The following NPAS3 variants were observed in gnomAD, a reference collection of about 807,000 sequenced individuals.
The protein encoded by NPAS3 is neuronal PAS domain-containing protein 3.
Under a neutral mutation model 73.1 loss-of-function variants are expected in NPAS3, and 14 were observed. The ratio of observed to expected loss-of-function variants is 0.19; its 90% CI spans 0.13 to 0.30. NPAS3 has a LOEUF of 0.30. Among genes scored for constraint, NPAS3 ranks in the 10% least tolerant of loss-of-function variants. The probability of loss-of-function intolerance (pLI) is 1.00; values close to 1 mark genes in which losing one functional copy is unlikely to be tolerated. For synonymous variants in NPAS3, 620 were observed against 541.5 expected (o/e 1.14, Z -2.01); for missense variants, 1,096 against 1,250.0 (o/e 0.88, Z 1.86).
At chr14:32,989,440 C>G (rs558861844) in intron 1 of NPAS3, among the ~76,000 whole-genome samples, 30 of 152,166 alleles carry the variant, frequency 2.0e-4, no homozygotes, top group Non-Finnish European at 4.1e-4. Flanking sequence ...GTCAGGAGAT[C>G]GAGACCATCC....
At chr14:32,994,006 C>G (rs1159181448) in intron 1 of NPAS3, among the ~76,000 whole-genome samples, 1 of 152,030 alleles carries the variant, frequency 6.6e-6, no homozygotes, top group Non-Finnish European at 1.5e-5. Context: ...ATTTTTAAGT[C>G]AAATTAATTA....
chr14:33,020,041 T>C (rs1384892370), intron 1 of NPAS3, among the ~76,000 whole-genome samples: 3 of 152,210 alleles, frequency 2.0e-5, no homozygotes, highest in Admixed American at 6.5e-5. Context: ...CCACCACAAA[T>C]ATTTATATAC....
At chr14:33,268,700 C>G (rs936184514) in intron 3 of NPAS3, among the ~76,000 whole-genome samples, 1 of 152,132 alleles carries the variant, frequency 6.6e-6, no homozygotes, top group Non-Finnish European at 1.5e-5. Flanking sequence ...TACCTAAGTT[C>G]TTAAGGAGCT....
At chr14:33,342,597 G>A (rs2044538141) in intron 3 of NPAS3, among the ~76,000 whole-genome samples, 1 of 152,130 alleles carries the variant, frequency 6.6e-6, no homozygotes, top group South Asian at 2.1e-4. Flanking sequence ...ATTTTAACTT[G>A]ATAAGCCTGT....
chr14:33,660,703 T>C (rs565696518), intron 5 of NPAS3, among the ~76,000 whole-genome samples: 8 of 152,186 alleles, frequency 5.3e-5, no homozygotes, highest in Non-Finnish European at 1.0e-4. Context: ...TTAATAGTAA[T>C]TAACGTTTAT....
At chr14:33,587,431 T>A (rs1400995245) in intron 5 of NPAS3, among the ~76,000 whole-genome samples, 1 of 152,224 alleles carries the variant, frequency 6.6e-6, no homozygotes, top group African/African-American at 2.4e-5. Flanking sequence ...TCACATGTAA[T>A]AACTGGGTGT....
Position 33,069,040 on chromosome 14 carries a change from G to C in NPAS3, c.140+13046G>C, listed in dbSNP as rs566225206. 3.9e-5 allele frequency among the ~76,000 whole-genome samples: 6 copies of C among 152,288 alleles called. No individual in the cohort carries two copies. In the East Asian group the frequency reaches 9.7e-4, roughly 25 times the overall value. Reference sequence around the variant, plus strand: ...GAGAAATGAGACCTAACTGATTTTAGTATCAGTCTAGTTACTGGCTGAGCA... The same window carrying C: ...GAGAAATGAGACCTAACTGATTTTACTATCAGTCTAGTTACTGGCTGAGCA... On this transcript the variant is annotated intron_variant, in intron 2 of 11. Transcript: ENST00000356141.
At chr14:33,686,969 CAAAA>C (rs529902572) in intron 6 of NPAS3, among the ~76,000 whole-genome samples, 5 of 151,832 alleles carry the variant, frequency 3.3e-5, no homozygotes, top group Non-Finnish European at 7.4e-5. Context: ...AACAAACAAA[CAAAA>C]AAAGTCATTT....
At chr14:33,152,039 C>A (rs2044465655) in intron 2 of NPAS3, among the ~76,000 whole-genome samples, 1 of 152,026 alleles carries the variant, frequency 6.6e-6, no homozygotes, top group African/African-American at 2.4e-5. Flanking sequence ...TTTTGCCCCT[C>A]CTGAGGACAT....
intron 3 of NPAS3, among the ~76,000 whole-genome samples, chr14:33,248,887 T>A (rs2048480721): frequency 6.6e-6 from 1 of 152,218 alleles, no homozygotes; most frequent in Non-Finnish European, 1.5e-5. Flanking sequence ...AGATGACTTT[T>A]GGAATTCTGC....
At chr14:33,521,141 C>A (rs2053537000) in intron 4 of NPAS3, among the ~76,000 whole-genome samples, 1 of 152,046 alleles carries the variant, frequency 6.6e-6, no homozygotes, top group Non-Finnish European at 1.5e-5. Flanking sequence ...TTAAGTCAGA[C>A]TACAGTTTTC....
chr14:33,525,309 G>A (rs141361380), intron 4 of NPAS3, among the ~76,000 whole-genome samples: 65 of 152,204 alleles, frequency 4.3e-4, no homozygotes, highest in Non-Finnish European at 7.4e-4. Context: ...CAGAAGTTAG[G>A]CAAGTAAGCA....
intron 2 of NPAS3, among the ~76,000 whole-genome samples, chr14:33,134,566 T>G (rs2043764481): frequency 6.6e-6 from 1 of 152,176 alleles, no homozygotes; most frequent in African/African-American, 2.4e-5. Context: ...AGATTTTCCA[T>G]TTTATCCAGC....
chr14:33,289,574 A>G (rs2042013331), intron 3 of NPAS3, among the ~76,000 whole-genome samples: 1 of 152,094 alleles, frequency 6.6e-6, no homozygotes, highest in African/African-American at 2.4e-5. Flanking sequence ...TAATCCCAGT[A>G]CTTTGGGAGG....
intron 5 of NPAS3, among the ~76,000 whole-genome samples, chr14:33,588,149 C>G (rs1006147611): frequency 6.6e-6 from 1 of 152,112 alleles, no homozygotes; most frequent in Non-Finnish European, 1.5e-5. Flanking sequence ...ATGAAGCCGC[C>G]GTCAAACAGG....
At chr14:33,238,774 C>A (rs2048122209) in intron 3 of NPAS3, among the ~76,000 whole-genome samples, 1 of 151,892 alleles carries the variant, frequency 6.6e-6, no homozygotes, top group Non-Finnish European at 1.5e-5. Context: ...GTAATTAGTT[C>A]TTTTACCAAG....
At chr14:33,120,701 T>G (rs937614327) in intron 2 of NPAS3, among the ~76,000 whole-genome samples, 1 of 152,120 alleles carries the variant, frequency 6.6e-6, no homozygotes, top group African/African-American at 2.4e-5. Flanking sequence ...CAAGAGATAC[T>G]GAATAAGAAT....
chr14:33,456,115 G>A (rs962044738), intron 4 of NPAS3, among the ~76,000 whole-genome samples: 7 of 152,156 alleles, frequency 4.6e-5, no homozygotes, highest in Non-Finnish European at 7.3e-5. Flanking sequence ...ATTTTTGGAA[G>A]GGTTTAGGAA....
intron 9 of NPAS3, chr14:33,780,738 T>G (rs559089471): frequency 2.4e-6 from 1 of 420,346 alleles, no homozygotes; most frequent in Non-Finnish European, 4.7e-6. Context: ...TCCGATTTAC[T>G]TTTATCTCAT....
Sources: allele counts gnomAD v4.1 joint callset (sites outside exome capture counted in the v4.1 genomes callset), GRCh38; gene constraint gnomAD v4.1.1; transcripts MANE v1.5; gene names NCBI Gene and HGNC (gene_info 2026-07-23, HGNC 2026-07-21).